SPTLC3: variants seen among roughly 807,000 people sequenced by gnomAD.
SPTLC3 encodes the protein serine palmitoyltransferase 3.
Under a neutral mutation model 59.3 loss-of-function variants are expected in SPTLC3, and 36 were observed. The ratio of observed to expected loss-of-function variants is 0.61; its 90% CI spans 0.47 to 0.80. The LOEUF (loss-of-function observed/expected upper bound fraction) is 0.80, where lower values mean the gene tolerates loss of function less well. Ranked by LOEUF, SPTLC3 falls within the 30% of genes least tolerant of loss-of-function variation. The pLI is 0.00. For missense variants in SPTLC3, 625 were observed against 685.1 expected (o/e 0.91, Z 0.98); for synonymous variants, 257 against 240.8 (o/e 1.07, Z -0.62).
intron 11 of SPTLC3, among the ~76,000 whole-genome samples, chr20:13,162,787 C>G (rs1235385301): frequency 6.6e-6 from 1 of 152,258 alleles, no homozygotes; most frequent in South Asian, 2.1e-4. Context: ...CAGCATCCAA[C>G]CCAGAACTGG....
chr20:13,085,300 T>C (rs4456765), intron 4 of SPTLC3, among the ~76,000 whole-genome samples: 41,855 of 152,014 alleles, frequency 0.28, 5,920 homozygotes, highest in Middle Eastern at 0.35. Flanking sequence ...TTAGACTGGA[T>C]GGAAGTGGAT....
intron 8 of SPTLC3, among the ~76,000 whole-genome samples, chr20:13,126,097 C>T (rs1228849209): frequency 6.6e-6 from 1 of 152,190 alleles, no homozygotes; most frequent in East Asian, 1.9e-4. Flanking sequence ...TCTCTAACTA[C>T]TTCAGCTAGA....
At chr20:13,023,118 TCTC>T (rs1985972795) in intron 1 of SPTLC3, among the ~76,000 whole-genome samples, 1 of 151,912 alleles carries the variant, frequency 6.6e-6, no homozygotes, top group South Asian at 2.1e-4. Flanking sequence ...GGCTCACCCT[TCTC>T]CTACTTGAAG....
At chr20:13,109,597 A>G (rs1990108054) in intron 6 of SPTLC3, among the ~76,000 whole-genome samples, 1 of 152,206 alleles carries the variant, frequency 6.6e-6, no homozygotes, top group Non-Finnish European at 1.5e-5. Flanking sequence ...AATATTTTGA[A>G]AAAGAGGCTT....
chr20:13,064,522 T>C (rs1486076659), intron 2 of SPTLC3, among the ~76,000 whole-genome samples: 1 of 152,320 alleles, frequency 6.6e-6, no homozygotes, highest in East Asian at 1.9e-4. Context: ...CTCAAACTCC[T>C]GACCTCAAGC....
intron 1 of SPTLC3, among the ~76,000 whole-genome samples, chr20:13,047,094 T>G (rs6041802): frequency 1 from 151,653 of 152,304 alleles, 75,506 homozygotes; most frequent in Middle Eastern, 1. Flanking sequence ...GAATTCAAAT[T>G]TTAGATATCA....
intron 9 of SPTLC3, among the ~76,000 whole-genome samples, chr20:13,128,940 G>A (rs73610452): frequency 6.7e-5 from 10 of 148,620 alleles, no homozygotes; most frequent in Non-Finnish European, 1.3e-4. Flanking sequence ...ACAATGGTGC[G>A]ATCTCAGCTC....
chr20:13,086,994 C>A (rs1989025384), intron 4 of SPTLC3, among the ~76,000 whole-genome samples: 1 of 152,092 alleles, frequency 6.6e-6, no homozygotes, highest in Admixed American at 6.5e-5. Context: ...GGGGTTCTCA[C>A]TGTATTGGCC....
At position 13,074,491 on chromosome 20, in the gene SPTLC3, G is replaced by A. The variant is rs1988569560; in HGVS notation, c.601G>A (p.Glu201Lys). The change falls in exon 4 of 12, where the codon GAA becomes AAA. Residue 201 changes from glutamate (E) to lysine (K), a missense_variant. Glu to Lys is a moderately conservative substitution (Grantham distance 56). Coordinates refer to ENST00000399002, the MANE Select transcript of SPTLC3 (RefSeq NM_018327.4). ...YGTGVASTRH[E>K]MGTLDKHKEL... ...CACAGGCGTGGCCAGCACCAGGCAT[G>A]AAATGGGTATGTACATTCACTGTTT... 1 of 1,613,130 alleles carries A rather than the reference G, an allele frequency of 6.2e-7. No homozygotes were observed. The highest frequency in any genetic ancestry group is 1.3e-5 in the African/African-American group (1 of 74,904).
At chr20:13,068,674 A>G (rs1175276794) in intron 2 of SPTLC3, among the ~76,000 whole-genome samples, 5 of 151,666 alleles carry the variant, frequency 3.3e-5, no homozygotes, top group Non-Finnish European at 7.4e-5. Context: ...TCTCAGAAAC[A>G]TGTAGGTTAC....
intron 11 of SPTLC3, among the ~76,000 whole-genome samples, chr20:13,160,426 A>G (rs2038872328): frequency 6.6e-6 from 1 of 152,194 alleles, no homozygotes; most frequent in Non-Finnish European, 1.5e-5. Flanking sequence ...CTTAAATGCA[A>G]AAGCTGGTCT....
intron 1 of SPTLC3, among the ~76,000 whole-genome samples, chr20:13,024,219 C>T (rs567266219): frequency 1.3e-5 from 2 of 152,276 alleles, no homozygotes; most frequent in South Asian, 2.1e-4. Context: ...ATATAGTTAG[C>T]AGTGCAATCT....
chr20:13,036,084 G>A (rs1448024331), intron 1 of SPTLC3, among the ~76,000 whole-genome samples: 4 of 151,990 alleles, frequency 2.6e-5, no homozygotes, highest in Admixed American at 2.6e-4. Flanking sequence ...ACATTCAAAT[G>A]TTTTAGACTA....
At chr20:13,099,034 C>T (rs1989516455) in intron 6 of SPTLC3, among the ~76,000 whole-genome samples, 1 of 152,164 alleles carries the variant, frequency 6.6e-6, no homozygotes, top group African/African-American at 2.4e-5. Flanking sequence ...TCCATGCCCT[C>T]ATCCCCAGAA....
intron 9 of SPTLC3, among the ~76,000 whole-genome samples, chr20:13,147,346 T>C (rs1275913839): frequency 6.6e-6 from 1 of 152,214 alleles, no homozygotes; most frequent in Non-Finnish European, 1.5e-5. Context: ...CTAATGTGAT[T>C]CTTATGATTC....
chr20:13,076,651 C>T (rs3896153), intron 4 of SPTLC3, among the ~76,000 whole-genome samples: 41,755 of 151,736 alleles, frequency 0.28, 5,880 homozygotes, highest in Middle Eastern at 0.35. Flanking sequence ...CAGATTTGTC[C>T]ATTAAAAGAA....
At chr20:13,078,502 T>C (rs1003255433) in intron 4 of SPTLC3, among the ~76,000 whole-genome samples, 2 of 152,010 alleles carry the variant, frequency 1.3e-5, no homozygotes, top group African/African-American at 2.4e-5. Flanking sequence ...TGTACTATGA[T>C]TCTTGGTTAA....
At chr20:13,038,261 T>C (rs1986824212) in intron 1 of SPTLC3, among the ~76,000 whole-genome samples, 1 of 152,124 alleles carries the variant, frequency 6.6e-6, no homozygotes, top group Admixed American at 6.6e-5. Flanking sequence ...TTGTAAAGAA[T>C]AGGCATTAAT....
chr20:13,017,601 A>G (rs1985596286), intron 1 of SPTLC3, among the ~76,000 whole-genome samples: 1 of 152,192 alleles, frequency 6.6e-6, no homozygotes, highest in African/African-American at 2.4e-5. Flanking sequence ...AAACTTTCTT[A>G]AAACATTATG....
Sources: allele counts gnomAD v4.1 joint callset (sites outside exome capture counted in the v4.1 genomes callset), GRCh38; gene constraint gnomAD v4.1.1; transcripts MANE v1.5; gene names NCBI Gene and HGNC (gene_info 2026-07-23, HGNC 2026-07-21).